The following RAB5C variants were observed in gnomAD, a reference collection of about 807,000 sequenced individuals.
RAB5C encodes ras-related protein Rab-5C.
A neutral mutation model predicts 25.2 loss-of-function variants in RAB5C; 4 were observed. The observed-to-expected ratio is 0.16, with a 90% CI of 0.08 to 0.36. The LOEUF (loss-of-function observed/expected upper bound fraction) is 0.36, where lower values mean the gene tolerates loss of function less well. Ranked by LOEUF, RAB5C falls within the 10% of genes least tolerant of loss-of-function variation. The pLI is 1.00. For synonymous variants in RAB5C, 100 were observed against 106.4 expected (o/e 0.94, Z 0.37); for missense variants, 199 against 283.8 (o/e 0.70, Z 2.15).
intron 1 of RAB5C, among the ~76,000 whole-genome samples, chr17:42,135,853 G>A (rs1385557651): frequency 6.6e-6 from 1 of 152,172 alleles, no homozygotes; most frequent in Non-Finnish European, 1.5e-5. Flanking sequence ...TCCTCTAGCT[G>A]AGAGTCCTGG....
intron 1 of RAB5C, among the ~76,000 whole-genome samples, chr17:42,148,346 A>C (rs1284564095): frequency 7.0e-6 from 1 of 141,848 alleles, no homozygotes; most frequent in Non-Finnish European, 1.5e-5. Flanking sequence ...CGGAGGTTAC[A>C]GTGAGCAAGA....
intron 1 of RAB5C, among the ~76,000 whole-genome samples, chr17:42,151,447 AAAG>A (rs994777920): frequency 2.6e-5 from 4 of 152,160 alleles, no homozygotes; most frequent in Non-Finnish European, 4.4e-5. Flanking sequence ...AAAAAAAAAA[AAAG>A]AAGTAGAAGG....
chr17:42,142,012 TTCCTA>T (rs1283451298), intron 1 of RAB5C, among the ~76,000 whole-genome samples: 1 of 152,028 alleles, frequency 6.6e-6, no homozygotes, highest in African/African-American at 2.4e-5. Flanking sequence ...TTTCCTCAGT[TTCCTA>T]GAAGATACTC....
intron 1 of RAB5C, among the ~76,000 whole-genome samples, chr17:42,140,532 T>A (rs2054587527): frequency 8.4e-6 from 1 of 118,992 alleles, no homozygotes; most frequent in African/African-American, 3.3e-5. Flanking sequence ...TTTTTTTTTT[T>A]TTTTTTTTTG....
chr17:42,143,678 C>A (rs1033007954), intron 1 of RAB5C, among the ~76,000 whole-genome samples: 11 of 152,098 alleles, frequency 7.2e-5, no homozygotes, highest in Non-Finnish European at 1.2e-4. Context: ...AACCAAAAAC[C>A]AAAAACAAAA....
intron 1 of RAB5C, among the ~76,000 whole-genome samples, chr17:42,153,218 C>T (rs2079683292): frequency 1.3e-5 from 2 of 152,130 alleles, no homozygotes; most frequent in South Asian, 4.1e-4. Context: ...GAGTTCGAGA[C>T]CAGCCCGGCC....
At chr17:42,153,598 G>C (rs1418881255) in intron 1 of RAB5C, among the ~76,000 whole-genome samples, 1 of 152,172 alleles carries the variant, frequency 6.6e-6, no homozygotes, top group Non-Finnish European at 1.5e-5. Flanking sequence ...AGCTACAGAA[G>C]TTCCCACAAA....
chr17:42,149,565 G>A (rs1352289566), intron 1 of RAB5C, among the ~76,000 whole-genome samples: 1 of 152,138 alleles, frequency 6.6e-6, no homozygotes, highest in Non-Finnish European at 1.5e-5. Context: ...CTGGGTGAGA[G>A]AGGCCCTGTC....
intron 1 of RAB5C, 165 bp downstream of exon 1, chr17:42,154,728 C>A (rs1379704102): frequency 6.6e-6 from 1 of 152,360 alleles, no homozygotes; most frequent in African/African-American, 2.4e-5. Flanking sequence ...AGGAAAGAAG[C>A]TCCCCACCTC....
intron 1 of RAB5C, among the ~76,000 whole-genome samples, chr17:42,151,920 T>G (rs1176900555): frequency 6.6e-6 from 1 of 152,154 alleles, no homozygotes; most frequent in Non-Finnish European, 1.5e-5. Context: ...TCTGCCCTTG[T>G]GCCGTGGCGC....
chr17:42,145,303 T>C (rs938138820), intron 1 of RAB5C, among the ~76,000 whole-genome samples: 7 of 152,118 alleles, frequency 4.6e-5, no homozygotes, highest in African/African-American at 1.7e-4. Flanking sequence ...AAAGGGTGCA[T>C]GCAGCATGGA....
At chr17:42,134,980 GTTTTTT>G (rs528680102) in intron 1 of RAB5C, among the ~76,000 whole-genome samples, 1 of 134,936 alleles carries the variant, frequency 7.4e-6, no homozygotes, top group Non-Finnish European at 1.6e-5. Flanking sequence ...TTTTTCTTAA[GTTTTTT>G]TTTTTTTTTT....
At chr17:42,147,128 A>AAC (rs2079642060) in intron 1 of RAB5C, among the ~76,000 whole-genome samples, 1 of 144,264 alleles carries the variant, frequency 6.9e-6, no homozygotes, top group Non-Finnish European at 1.5e-5. Context: ...AAGAAACAGA[A>AAC]AGAAAGAAAG....
rs200105642 is a variant in RAB5C, at chr17:42,144,997, TA to T, written c.-89+9895del. Among the ~76,000 whole-genome samples, 12 of 70,362 alleles carry T rather than the reference TA, an allele frequency of 1.7e-4. No individual in the cohort carries two copies. In the South Asian group the frequency reaches 3.6e-3, roughly 21 times the overall value. 46.2% of individuals were successfully genotyped at this position (70,362 alleles called of 152,430 possible). On this transcript the variant is annotated intron_variant, in intron 1 of 5. Coordinates refer to ENST00000346213, the MANE Select transcript of RAB5C (RefSeq NM_004583.4). Reference sequence around the variant, plus strand: ...AAAAAAAAAGAAACCCCATCTCTACTAAAAAAAATACAAAAAAATTAGCCGG... The same window carrying T: ...AAAAAAAAAGAAACCCCATCTCTACTAAAAAAATACAAAAAAATTAGCCGG...
chr17:42,149,961 G>A (rs1393334012), intron 1 of RAB5C, among the ~76,000 whole-genome samples: 4 of 145,608 alleles, frequency 2.7e-5, no homozygotes, highest in Admixed American at 7.1e-5. Context: ...TCACTGCAAC[G>A]TCCACCTCCC....
intron 1 of RAB5C, among the ~76,000 whole-genome samples, chr17:42,132,704 C>CT (rs35888254): frequency 0.051 from 7,472 of 147,824 alleles, 195 homozygotes; most frequent in Non-Finnish European, 0.058. Flanking sequence ...TTCTTTCTTT[C>CT]TTTTTTTTTT....
chr17:42,153,547 G>T (rs1387024259), intron 1 of RAB5C, among the ~76,000 whole-genome samples: 1 of 152,182 alleles, frequency 6.6e-6, no homozygotes, highest in Non-Finnish European at 1.5e-5. Flanking sequence ...GCACTTTTAA[G>T]TGGCAAGCGA....
intron 1 of RAB5C, among the ~76,000 whole-genome samples, chr17:42,152,088 C>T (rs1197015598): frequency 2.6e-5 from 4 of 151,700 alleles, no homozygotes; most frequent in Non-Finnish European, 5.9e-5. Flanking sequence ...CCTTCTGCAT[C>T]CCTTCTAAAG....
intron 1 of RAB5C, among the ~76,000 whole-genome samples, chr17:42,140,584 C>A (rs2054588749): frequency 7.3e-6 from 1 of 136,862 alleles, no homozygotes; most frequent in Non-Finnish European, 1.5e-5. Context: ...AGTGCAGTGG[C>A]ACAATCTGGG....
Sources: gnomAD v4.1 joint callset for allele counts (sites outside exome capture counted in the v4.1 genomes callset) on GRCh38, gnomAD v4.1.1 for gene constraint, MANE v1.5 for transcripts, NCBI Gene and HGNC (gene_info 2026-07-23, HGNC 2026-07-21) for gene names.